Variants in DLC1 observed in about 807,000 individuals in gnomAD.
DLC1 encodes rho GTPase-activating protein 7.
Under a neutral mutation model 140.3 loss-of-function variants are expected in DLC1, and 54 were observed. The observed-to-expected ratio is 0.38, with a 90% CI of 0.31 to 0.48. The LOEUF (loss-of-function observed/expected upper bound fraction) is 0.48. DLC1 is among the 20% of genes least tolerant of loss of function. The pLI is 0.96. For missense variants in DLC1, 2,536 were observed against 1,907.0 expected (o/e 1.33, Z -6.14); for synonymous variants, 986 against 728.1 (o/e 1.35, Z -5.70).
At chr8:13,304,867 C>A (rs1209169085) in intron 5 of DLC1, 21 of 987,898 alleles carry the variant, frequency 2.1e-5, no homozygotes, top group South Asian at 4.7e-5. Context: ...GATAGTATGG[C>A]ATCAGCTTTA....
intron 1 of DLC1, among the ~76,000 whole-genome samples, chr8:13,596,736 G>A (rs184998172): frequency 2.6e-5 from 4 of 151,998 alleles, no homozygotes; most frequent in Admixed American, 1.3e-4. Flanking sequence ...TGGCATATGG[G>A]CCTAAAAATG....
Position 13,500,147 on chromosome 8 carries a change from A to G in DLC1, c.-76T>C, listed in dbSNP as rs1801741628. ...AGGAGATGGAACTTGATGAAAGATT[A>G]TTTCAAAATCACCAATCAAAGAAGC... is the stretch of plus-strand genomic sequence containing the variant. On this transcript the variant is annotated 5_prime_UTR_variant, in exon 2 of 18. Coordinates refer to ENST00000276297, the MANE Select transcript of DLC1 (RefSeq NM_182643.3). 3 of 1,319,696 alleles carry G rather than the reference A, an allele frequency of 2.3e-6. No homozygotes were observed. The African/African-American group carries it at 4.4e-5, about 19-fold the overall frequency. The allele number at this position is 1,319,696 out of a possible 1,614,324, so 81.7% of individuals were successfully genotyped here. A position where few individuals can be genotyped will look rare whatever the true frequency, so the allele number is the denominator to read the frequency against.
chr8:13,489,383 T>G (rs1801127913), intron 2 of DLC1, among the ~76,000 whole-genome samples: 1 of 96,178 alleles, frequency 1.0e-5, no homozygotes, highest in Admixed American at 1.3e-4. Context: ...GATCTATAAT[T>G]AGGGCAATTT....
intron 5 of DLC1, among the ~76,000 whole-genome samples, chr8:13,237,841 C>G (rs566415187): frequency 8.6e-4 from 130 of 151,820 alleles, no homozygotes; most frequent in Non-Finnish European, 1.6e-3. Context: ...ATATCTCTTC[C>G]TGGGTTATAA....
chr8:13,087,507 C>CT (rs1172941336), intron 16 of DLC1, among the ~76,000 whole-genome samples: 1 of 152,216 alleles, frequency 6.6e-6, no homozygotes, highest in Non-Finnish European at 1.5e-5. Context: ...TTATAATTGC[C>CT]TGGTCTGTGA....
chr8:13,322,379 T>A (rs1586135764), intron 4 of DLC1, among the ~76,000 whole-genome samples: 1 of 152,328 alleles, frequency 6.6e-6, no homozygotes, highest in Middle Eastern at 3.4e-3. Context: ...GGGGCAAGTA[T>A]GATAGTATTT....
intron 1 of DLC1, among the ~76,000 whole-genome samples, chr8:13,598,721 A>T (rs1397743814): frequency 1.3e-5 from 2 of 152,058 alleles, no homozygotes; most frequent in African/African-American, 4.8e-5. Context: ...TTTAATAATT[A>T]GTATTTAATT....
chr8:13,516,532 A>G (rs1802593944), upstream of DLC1, among the ~76,000 whole-genome samples: 1 of 152,218 alleles, frequency 6.6e-6, no homozygotes, highest in Non-Finnish European at 1.5e-5. Context: ...ATCATGAACC[A>G]TATTAGACCC....
At chr8:13,407,726 T>C (rs1349343047) in intron 2 of DLC1, among the ~76,000 whole-genome samples, 1 of 152,226 alleles carries the variant, frequency 6.6e-6, no homozygotes, top group African/African-American at 2.4e-5. Context: ...CACAAGGTTC[T>C]GGCCCCTATG....
chr8:13,251,802 T>A (rs543349750), intron 5 of DLC1, among the ~76,000 whole-genome samples: 12 of 152,190 alleles, frequency 7.9e-5, no homozygotes, highest in Non-Finnish European at 1.8e-4. Context: ...AAGTATTCCA[T>A]GAGGGTTATT....
intron 1 of DLC1, among the ~76,000 whole-genome samples, chr8:13,565,109 A>T (rs528147692): frequency 1.3e-5 from 2 of 152,330 alleles, no homozygotes; most frequent in Admixed American, 1.3e-4. Flanking sequence ...TTCCTTAGAT[A>T]ACACACTTAC....
intron 5 of DLC1, among the ~76,000 whole-genome samples, chr8:13,247,610 C>T (rs1386071720): frequency 6.6e-6 from 1 of 152,146 alleles, no homozygotes; most frequent in African/African-American, 2.4e-5. Flanking sequence ...ATCTAAATCC[C>T]ACAGGTTTAT....
chr8:13,382,529 A>AAAAAAAG (rs557423876), intron 4 of DLC1, among the ~76,000 whole-genome samples: 1 of 109,432 alleles, frequency 9.1e-6, no homozygotes, highest in Non-Finnish European at 1.8e-5. Context: ...AAAAAAAAAA[A>AAAAAAAG]AAAGAAAGAG....
intron 2 of DLC1, among the ~76,000 whole-genome samples, chr8:13,469,435 C>T (rs1443421928): frequency 2.0e-5 from 3 of 152,128 alleles, no homozygotes; most frequent in Non-Finnish European, 2.9e-5. Flanking sequence ...TGCTCTGTGG[C>T]CTGCAAAAGG....
At chr8:13,208,988 A>T (rs1827805991) in intron 5 of DLC1, among the ~76,000 whole-genome samples, 1 of 152,194 alleles carries the variant, frequency 6.6e-6, no homozygotes, top group Non-Finnish European at 1.5e-5. Context: ...GATGTTATAG[A>T]ATGTGACAAA....
At chr8:13,338,913 C>T (rs1833918737) in intron 4 of DLC1, among the ~76,000 whole-genome samples, 8 of 152,022 alleles carry the variant, frequency 5.3e-5, no homozygotes, top group Admixed American at 5.2e-4. Context: ...ACTTTTGTAC[C>T]CTTTAATTAT....
chr8:13,269,918 T>A (rs1269482857), intron 5 of DLC1, among the ~76,000 whole-genome samples: 2 of 145,520 alleles, frequency 1.4e-5, no homozygotes, highest in Non-Finnish European at 3.0e-5. Context: ...AAAAAAAAAA[T>A]TAGGTGGGCA....
intron 5 of DLC1, among the ~76,000 whole-genome samples, chr8:13,199,232 T>C (rs985719133): frequency 2.1e-5 from 3 of 146,266 alleles, no homozygotes; most frequent in African/African-American, 7.7e-5. Flanking sequence ...TTGTCCAAGG[T>C]AGAGTACAGT....
intron 8 of DLC1, among the ~76,000 whole-genome samples, chr8:13,102,269 G>T (rs756456298): frequency 4.3e-4 from 65 of 152,280 alleles, no homozygotes; most frequent in Non-Finnish European, 4.4e-4. Flanking sequence ...GCTCGGTTGT[G>T]TACCACCATT....
Sources: allele counts gnomAD v4.1 joint callset (sites outside exome capture counted in the v4.1 genomes callset), GRCh38; gene constraint gnomAD v4.1.1; transcripts MANE v1.5; gene names NCBI Gene and HGNC (gene_info 2026-07-23, HGNC 2026-07-21).